Variants in PCGF5 observed in about 807,000 individuals in gnomAD.
PCGF5 encodes the protein polycomb group RING finger protein 5.
Under a neutral mutation model 44.3 loss-of-function variants are expected in PCGF5, and 9 were observed. That is an observed-to-expected ratio of 0.20 (90% CI 0.12 to 0.35). PCGF5 has a LOEUF of 0.35. Among genes scored for constraint, PCGF5 ranks in the 10% least tolerant of loss-of-function variants. PCGF5 has a pLI of 1.00. For synonymous variants in PCGF5, 95 were observed against 102.5 expected (o/e 0.93, Z 0.44); for missense variants, 146 against 305.3 (o/e 0.48, Z 3.89).
At chr10:91,179,356 A>G (rs533443106) in intron 1 of PCGF5, among the ~76,000 whole-genome samples, 1 of 152,292 alleles carries the variant, frequency 6.6e-6, no homozygotes, top group Admixed American at 6.5e-5. Flanking sequence ...TCTTTTAAAA[A>G]TTTATTTTAA....
chr10:91,168,311 G>A (rs1038677648), intron 1 of PCGF5, among the ~76,000 whole-genome samples: 1 of 152,134 alleles, frequency 6.6e-6, no homozygotes, highest in Non-Finnish European at 1.5e-5. Flanking sequence ...AGAAGCAGGA[G>A]GGGGATGAGG....
intron 1 of PCGF5, among the ~76,000 whole-genome samples, chr10:91,165,042 T>C (rs1169720999): frequency 6.6e-6 from 1 of 152,232 alleles, no homozygotes; most frequent in Non-Finnish European, 1.5e-5. Flanking sequence ...ATAAACTCTT[T>C]TCCAGATTTC....
chr10:91,218,251 T>C (rs997344291), upstream of PCGF5, among the ~76,000 whole-genome samples: 9 of 152,224 alleles, frequency 5.9e-5, no homozygotes, highest in Non-Finnish European at 1.3e-4. Context: ...AGTTTCTACA[T>C]CTATAAAATG....
intron 6 of PCGF5, among the ~76,000 whole-genome samples, chr10:91,252,031 C>A (rs2133382303): frequency 6.6e-6 from 1 of 152,066 alleles, no homozygotes. Flanking sequence ...CTTAGAGGAT[C>A]TTTATAGGAA....
upstream of PCGF5, among the ~76,000 whole-genome samples, chr10:91,158,721 C>A (rs1159962737): frequency 1.3e-5 from 2 of 151,992 alleles, no homozygotes; most frequent in African/African-American, 4.8e-5. Flanking sequence ...AATTAGATAC[C>A]CCAAACAATG....
At chr10:91,260,328 G>A (rs1792179148) in intron 6 of PCGF5, among the ~76,000 whole-genome samples, 1 of 152,208 alleles carries the variant, frequency 6.6e-6, no homozygotes, top group African/African-American at 2.4e-5. Flanking sequence ...TGGAGAGGAT[G>A]TGAAGAAATA....
intron 9 of PCGF5, among the ~76,000 whole-genome samples, chr10:91,275,980 A>G (rs1269417244): frequency 2.6e-5 from 4 of 152,194 alleles, no homozygotes; most frequent in Admixed American, 2.6e-4. Flanking sequence ...ATAACAGCAT[A>G]ATATACAGCT....
chr10:91,188,524 T>C (rs1361845652), intron 1 of PCGF5, among the ~76,000 whole-genome samples: 1 of 152,248 alleles, frequency 6.6e-6, no homozygotes, highest in Non-Finnish European at 1.5e-5. Context: ...AATATAATTT[T>C]GCTGCTAAGA....
At chr10:91,173,097 T>C (rs1843640013) in intron 1 of PCGF5, among the ~76,000 whole-genome samples, 1 of 152,242 alleles carries the variant, frequency 6.6e-6, no homozygotes. Flanking sequence ...AGGTATTCAA[T>C]GTGAAAACTC....
rs1386431113 is a variant in PCGF5 at position 91,281,647 on chromosome 10, C to T, written c.*3331C>T. 2 of 152,482 alleles carry T rather than the reference C, an allele frequency of 1.3e-5. 1 individual carries two copies. Among genetic ancestry groups the T allele is most frequent in the Non-Finnish European group, 2.9e-5 (2 of 67,986 alleles). 9.4% of individuals were successfully genotyped at this position (152,482 alleles called of 1,614,324 possible). A position where few individuals can be genotyped will look rare whatever the true frequency, so the allele number is the denominator to read the frequency against. ...AACCATGTTGGAGAGACGGTTTTAA[C>T]AGTTTGGAGGTTGGAAATTTTTAGA... On this transcript the variant is annotated 3_prime_UTR_variant, in exon 10 of 10. Coordinates refer to ENST00000336126, the MANE Select transcript of PCGF5 (RefSeq NM_032373.5).
intron 1 of PCGF5, among the ~76,000 whole-genome samples, chr10:91,186,588 A>G (rs1410778818): frequency 8.1e-6 from 1 of 123,052 alleles, no homozygotes; most frequent in African/African-American, 2.5e-5. Context: ...ATGTGTGTGT[A>G]TATATATGTG....
At chr10:91,219,014 G>T (rs751490466), upstream of PCGF5, among the ~76,000 whole-genome samples, 2 of 152,078 alleles carry the variant, frequency 1.3e-5, no homozygotes, top group African/African-American at 2.4e-5. Context: ...AAATTGGGGT[G>T]GGAGAGATGG....
intron 6 of PCGF5, among the ~76,000 whole-genome samples, chr10:91,255,900 A>G (rs574676640): frequency 1.3e-5 from 2 of 152,220 alleles, no homozygotes; most frequent in East Asian, 3.9e-4. Flanking sequence ...ACAACCTGCT[A>G]TATACTTTAA....
At chr10:91,220,413 G>C (rs903326696), upstream of PCGF5, 3 of 152,312 alleles carry the variant, frequency 2.0e-5, no homozygotes, top group Non-Finnish European at 4.4e-5. Context: ...CAACCGAAGG[G>C]GTGGACGGTG....
intron 8 of PCGF5, 74 bp from the exon 9 acceptor site, chr10:91,271,564 A>G (rs1293330584): frequency 3.2e-6 from 4 of 1,230,848 alleles, no homozygotes; most frequent in Non-Finnish European, 4.7e-6. Context: ...ACGTTAAACT[A>G]TTTTAAATAA....
At chr10:91,253,840 T>C (rs1416031092) in intron 6 of PCGF5, among the ~76,000 whole-genome samples, 1 of 152,130 alleles carries the variant, frequency 6.6e-6, no homozygotes, top group East Asian at 1.9e-4. Flanking sequence ...TTTTAGGCTC[T>C]GTAGGCCATA....
At position 91,197,208 on chromosome 10, in the gene PCGF5, A is replaced by C. The variant is rs1353384107; in HGVS notation, c.-183-25481A>C. ...CTGGTCAGCAGCGTAGCCTGTCTCCATTCCGCTTGGCATCAGCAGGGGAGG... is the reference window on the plus strand; with the variant it reads ...CTGGTCAGCAGCGTAGCCTGTCTCCCTTCCGCTTGGCATCAGCAGGGGAGG... On this transcript the variant is annotated intron_variant, in intron 1 of 9. Coordinates refer to the PCGF5 transcript ENST00000614189. Among the ~76,000 whole-genome samples the C allele has an allele frequency of 1.3e-5, 2 of 152,164 alleles. 1 individual carries two copies. Among genetic ancestry groups the C allele is most frequent in the Admixed American group, 1.3e-4 (2 of 15,286 alleles).
chr10:91,174,158 G>T (rs1476260362), intron 1 of PCGF5, among the ~76,000 whole-genome samples: 3 of 150,568 alleles, frequency 2.0e-5, no homozygotes, highest in Non-Finnish European at 4.4e-5. Context: ...CTGTAGGTTG[G>T]ATATGAAGTG....
At chr10:91,231,608 G>T (rs1845004812) in intron 2 of PCGF5, among the ~76,000 whole-genome samples, 1 of 152,208 alleles carries the variant, frequency 6.6e-6, no homozygotes, top group African/African-American at 2.4e-5. Flanking sequence ...TAGAGGTGAT[G>T]GGGTTGGGCA....
Sources: gnomAD v4.1 joint callset for allele counts (sites outside exome capture counted in the v4.1 genomes callset) on GRCh38, gnomAD v4.1.1 for gene constraint, MANE v1.5 for transcripts, NCBI Gene and HGNC (gene_info 2026-07-23, HGNC 2026-07-21) for gene names.